Variants in RPA3 observed in about 807,000 individuals in gnomAD.
RPA3 encodes replication protein A3.
A neutral mutation model predicts 13.7 loss-of-function variants in RPA3; 24 were observed. The ratio of observed to expected loss-of-function variants is 1.75; its 90% CI spans 1.27 to 2.46. The LOEUF is 2.46. Ranked by LOEUF, RPA3 falls within the 30% of genes most tolerant of loss-of-function variation. The pLI is 0.00. For missense variants in RPA3, 183 were observed against 151.0 expected (o/e 1.21, Z -1.11); for synonymous variants, 59 against 51.2 (o/e 1.15, Z -0.65).
chr7:7,693,177 C>G (rs932802739), intron 2 of RPA3, among the ~76,000 whole-genome samples: 5 of 152,108 alleles, frequency 3.3e-5, no homozygotes, highest in Admixed American at 6.6e-5. Context: ...TGTAGTTCTT[C>G]TAAAAGCAGA....
chr7:7,669,571 G>T (rs1168055165), intron 4 of RPA3, among the ~76,000 whole-genome samples: 1 of 152,194 alleles, frequency 6.6e-6, no homozygotes, highest in East Asian at 1.9e-4. Flanking sequence ...TACATGGTTA[G>T]ACTGACCTTA....
chr7:7,695,780 A>T (rs1390355899), intron 2 of RPA3, among the ~76,000 whole-genome samples: 1 of 152,152 alleles, frequency 6.6e-6, no homozygotes, highest in East Asian at 1.9e-4. Flanking sequence ...TCAATGTGTC[A>T]CCTTTAGGTT....
At position 7,693,987 on chromosome 7, in the gene RPA3, C is replaced by A. The variant is rs773425134; in HGVS notation, c.-1027-6659G>T. ...TTTGTTGCCATTATTGTCAGTTGTT[C>A]TGGAATACTAATGCTTTGTTGATAT... On this transcript the variant is annotated intron_variant, in intron 2 of 7. Transcript: ENST00000223129. 3.5e-4 allele frequency among the ~76,000 whole-genome samples: 53 copies of A among 152,032 alleles called. 1 individual carries two copies. Among genetic ancestry groups the A allele is most frequent in the Non-Finnish European group, 7.4e-5 (5 of 67,992 alleles).
At position 7,637,910 on chromosome 7, in the gene RPA3, G is replaced by A; in HGVS notation, c.237C>T (p.Ile79=). The change falls in exon 7 of 8, where the codon ATC becomes ATT. Residue 79 remains isoleucine (I), a synonymous_variant. Coordinates refer to ENST00000223129, the MANE Select transcript of RPA3 (RefSeq NM_002947.5). ...TAAACTGGACATAAGATGTACACAA[G>A]ATGGTGGCCTTGGCGGTTACTCTTC... The part of the protein sequence containing the change: ...VVGRVTAKAT[I]LCTSYVQFKE... The A allele has an allele frequency of 6.2e-7, 1 of 1,613,670 alleles. No individual in the cohort carries two copies. The highest frequency in any genetic ancestry group is 1.7e-5 in the Admixed American group (1 of 60,010).
intron 2 of RPA3, among the ~76,000 whole-genome samples, chr7:7,692,782 G>A (rs549224077): frequency 7.9e-5 from 12 of 152,140 alleles, no homozygotes; most frequent in African/African-American, 2.6e-4. Context: ...GCTAATTTTC[G>A]TATTTTTAGT....
intron 2 of RPA3, among the ~76,000 whole-genome samples, chr7:7,689,729 G>A (rs1780129341): frequency 1.3e-5 from 2 of 152,120 alleles, no homozygotes; most frequent in African/African-American, 4.8e-5. Context: ...ATTGGAAATA[G>A]TCTGGAGTTC....
chr7:7,649,748 C>G (rs1020712738), intron 4 of RPA3, among the ~76,000 whole-genome samples: 6 of 152,084 alleles, frequency 3.9e-5, no homozygotes, highest in Admixed American at 3.3e-4. Context: ...GTCTCTCTCC[C>G]CCCACCCAAT....
chr7:7,663,686 T>C (rs1206111309), intron 4 of RPA3, among the ~76,000 whole-genome samples: 2 of 152,162 alleles, frequency 1.3e-5, no homozygotes, highest in Non-Finnish European at 2.9e-5. Context: ...AAAAGAGAAC[T>C]CAAAGCCTCA....
chr7:7,640,359 G>A lies in RPA3; in HGVS notation c.60C>T (p.Phe20=). ...SRINAGMLAQ[F]IDKPVCFVGR... is the part of the protein sequence containing the mutation. ...CTACGAAGCAGACAGGCTTGTCGAT[G>A]AATTGAGCTAGCATGCCGGCGTTGA... The change falls in exon 5 of 8, where the codon TTC becomes TTT. Residue 20 remains phenylalanine (F), a synonymous_variant. Transcript: ENST00000223129. The A allele has an allele frequency of 6.2e-7, 1 of 1,614,122 alleles. No individual in the cohort carries two copies. The highest frequency in any genetic ancestry group is 8.5e-7 in the Non-Finnish European group (1 of 1,180,024).
chr7:7,678,320 C>G (rs891867495), intron 4 of RPA3, among the ~76,000 whole-genome samples: 1 of 150,474 alleles, frequency 6.6e-6, no homozygotes, highest in Non-Finnish European at 1.5e-5. Flanking sequence ...TTTTGATTTG[C>G]ATTTCTCTGA....
At chr7:7,673,144 C>A (rs970770753) in intron 4 of RPA3, among the ~76,000 whole-genome samples, 8 of 152,194 alleles carry the variant, frequency 5.3e-5, no homozygotes, top group African/African-American at 1.9e-4. Flanking sequence ...AGATCATTTT[C>A]TAGCTTTGTC....
chr7:7,688,492 G>A (rs963193714), intron 2 of RPA3, among the ~76,000 whole-genome samples: 2 of 152,078 alleles, frequency 1.3e-5, no homozygotes, highest in Non-Finnish European at 2.9e-5. Flanking sequence ...CCTCAGCCCC[G>A]TGTTTCCTCA....
chr7:7,678,429 TTATTTAATATA>T (rs1419629358), intron 4 of RPA3, among the ~76,000 whole-genome samples: 3 of 144,082 alleles, frequency 2.1e-5, no homozygotes, highest in African/African-American at 7.6e-5. Flanking sequence ...TATTTATATA[TTATTTAATATA>T]TATTTAATTT....
intron 4 of RPA3, among the ~76,000 whole-genome samples, chr7:7,677,766 C>T (rs1243276174): frequency 1.4e-5 from 2 of 147,398 alleles, no homozygotes; most frequent in Non-Finnish European, 3.0e-5. Context: ...CTCTGCCTCC[C>T]AGGTTCACGC....
chr7:7,639,240 GT>G, intron 5 of RPA3, 96 bp from the exon 6 acceptor site: 3 of 821,918 alleles, frequency 3.7e-6, no homozygotes, highest in South Asian at 1.8e-5. Context: ...CAAATCAACT[GT>G]TTCTTGAACA....
At chr7:7,665,164 A>T (rs965303179) in intron 4 of RPA3, among the ~76,000 whole-genome samples, 1 of 152,210 alleles carries the variant, frequency 6.6e-6, no homozygotes, top group Admixed American at 6.5e-5. Context: ...AAATTGAGAA[A>T]ACCATGTTGC....
chr7:7,699,328 T>A (rs1011279936), intron 2 of RPA3, among the ~76,000 whole-genome samples: 2 of 152,240 alleles, frequency 1.3e-5, no homozygotes, highest in Admixed American at 6.5e-5. Context: ...TTTAAATATA[T>A]TTATGCTTTA....
chr7:7,683,607 T>C (rs1445102022), intron 4 of RPA3, among the ~76,000 whole-genome samples: 3 of 151,980 alleles, frequency 2.0e-5, no homozygotes, highest in African/African-American at 7.2e-5. Context: ...TCCTATGAAA[T>C]GAAATTTGTT....
At chr7:7,647,152 C>G (rs111763723) in intron 4 of RPA3, among the ~76,000 whole-genome samples, 12 of 152,154 alleles carry the variant, frequency 7.9e-5, no homozygotes, top group Non-Finnish European at 1.6e-4. Flanking sequence ...TTATCTTTGA[C>G]TAGAGCTTTA....
Sources: gnomAD v4.1 joint callset for allele counts (sites outside exome capture counted in the v4.1 genomes callset) on GRCh38, gnomAD v4.1.1 for gene constraint, MANE v1.5 for transcripts, NCBI Gene and HGNC (gene_info 2026-07-23, HGNC 2026-07-21) for gene names.